The following CEP250 variants were observed in gnomAD, a reference collection of about 807,000 sequenced individuals.
CEP250 encodes the protein centrosomal protein 250.
CEP250 carries 242 observed loss-of-function variants against 315.7 expected under a neutral mutation model. The observed-to-expected ratio is 0.77, with a 90% CI of 0.69 to 0.85. The LOEUF (loss-of-function observed/expected upper bound fraction) is 0.85, where lower values mean the gene tolerates loss of function less well. Among genes scored for constraint, CEP250 ranks in the 40% least tolerant of loss-of-function variants. The probability of loss-of-function intolerance (pLI) is 0.00; values close to 1 mark genes in which losing one functional copy is unlikely to be tolerated. For missense variants in CEP250, 2,515 were observed against 2,886.4 expected (o/e 0.87, Z 2.95); for synonymous variants, 1,088 against 1,175.0 (o/e 0.93, Z 1.51).
chr20:35,494,733 C>T, intron 24 of CEP250, 76 bp downstream of exon 24: 2 of 1,541,582 alleles, frequency 1.3e-6, no homozygotes, highest in South Asian at 1.2e-5. Flanking sequence ...CAGTTGTTTG[C>T]TCAGGCCACC....
At chr20:35,509,113 C>A in intron 33 of CEP250, 69 bp downstream of exon 33, 1 of 1,279,696 alleles carries the variant, frequency 7.8e-7, no homozygotes, top group Non-Finnish European at 1.1e-6. Flanking sequence ...CAGCCCTCCT[C>A]ATTGCATATC....
Position 35,465,832 on chromosome 20 carries a change from G to C in CEP250, c.326+7G>C. 6.2e-7 allele frequency: 1 copy of C among 1,602,692 alleles called. No individual in the cohort carries two copies. ...TGGAGGAGGAGCAACAGAGGTGATG[G>C]ACCCCAAACTTTCTGACCTGGGTGA... On this transcript the variant is annotated splice_region_variant and intron_variant, in intron 6 of 34. Coordinates refer to ENST00000397527, the MANE Select transcript of CEP250 (RefSeq NM_007186.6).
chr20:35,503,997 A>C lies in CEP250; in HGVS notation c.5628A>C (p.Ala1876=). Residue 1876 remains alanine, a synonymous_variant, in exon 30 of 35, where the codon GCA becomes GCC. Coordinates refer to ENST00000397527, the MANE Select transcript of CEP250 (RefSeq NM_007186.6). The surrounding 1 kb of genome is among the most constrained non-coding windows in gnomAD (Gnocchi z 4.2). ...EQARRLEEEL[A]VEGRRVQALE... ...CACGAAGGCTGGAGGAAGAGCTGGC[A>C]GTGGAGGGACGGCGGGTCCAGGCCC... 6.2e-7 allele frequency: 1 copy of C among 1,609,888 alleles called. No homozygotes were observed. The highest frequency in any genetic ancestry group is 8.5e-7 in the Non-Finnish European group (1 of 1,177,460).
rs60917671 is a variant in CEP250 at position 35,457,243 on chromosome 20, C to T, written c.-297-1061C>T. On this transcript the variant is annotated intron_variant, in intron 1 of 34. Transcript: ENST00000397527. ...AGGTAGGAGCTGGGAATACAGCATTCGATAAAACAATGCTTTTGCACTTGT... is the reference window on the plus strand; with the variant it reads ...AGGTAGGAGCTGGGAATACAGCATTTGATAAAACAATGCTTTTGCACTTGT... Among the ~76,000 whole-genome samples the T allele has an allele frequency of 2.5e-3, 387 of 152,056 alleles. 8 individuals carry two copies. The East Asian group carries it at 0.071, about 28-fold the overall frequency.
intron 20 of CEP250, among the ~76,000 whole-genome samples, chr20:35,485,689 T>C (rs2063491944): frequency 7.7e-6 from 1 of 129,846 alleles, no homozygotes; most frequent in Admixed American, 8.5e-5. Flanking sequence ...GACAGGGTCT[T>C]GCTCTGTCAC....
chr20:35,510,128 G>C, intron 34 of CEP250, 74 bp downstream of exon 34: 1 of 1,398,508 alleles, frequency 7.2e-7, no homozygotes, highest in Non-Finnish European at 1.0e-6. Flanking sequence ...AGCAGGGAGA[G>C]GGGAAGTTCC....
At chr20:35,471,492 T>G (rs2063023472) in intron 10 of CEP250, among the ~76,000 whole-genome samples, 1 of 152,206 alleles carries the variant, frequency 6.6e-6, no homozygotes, top group Non-Finnish European at 1.5e-5. Flanking sequence ...AAAACATAGT[T>G]GCAAGTCTGT....
rs767021030 is a variant in CEP250, at chr20:35,479,432, C to A, written c.2288+8C>A. ...ACAACTACAGGGGCTCAGGTAGGGC[C>A]CAGACTCAGTTCAGCCAAGCACAGA... On this transcript the variant is annotated splice_region_variant and intron_variant, in intron 18 of 34. Coordinates refer to ENST00000397527, the MANE Select transcript of CEP250 (RefSeq NM_007186.6). 6 of 1,609,656 alleles carry A rather than the reference C, an allele frequency of 3.7e-6. No homozygotes were observed. Among genetic ancestry groups the A allele is most frequent in the East Asian group, 2.2e-5 (1 of 44,862 alleles).
At chr20:35,493,252 G>C (rs2063746716) in intron 22 of CEP250, among the ~76,000 whole-genome samples, 177 bp from the exon 23 acceptor site, 1 of 151,994 alleles carries the variant, frequency 6.6e-6, no homozygotes, top group African/African-American at 2.4e-5. Context: ...CTCTGACCAA[G>C]AAACCTGGGT....
chr20:35,458,851 A>C (rs2062689373), intron 2 of CEP250, among the ~76,000 whole-genome samples: 1 of 152,082 alleles, frequency 6.6e-6, no homozygotes. Flanking sequence ...CATTTTTTAA[A>C]ACTATTTTTT....
intron 7 of CEP250, 53 bp downstream of exon 7, chr20:35,466,257 C>A: frequency 6.5e-7 from 1 of 1,534,132 alleles, no homozygotes; most frequent in Non-Finnish European, 8.8e-7. Flanking sequence ...ATTCTGGATG[C>A]TGCCCTGGTC....
chr20:35,468,752 C>T (rs1448059179), intron 9 of CEP250, among the ~76,000 whole-genome samples: 2 of 152,116 alleles, frequency 1.3e-5, no homozygotes, highest in South Asian at 2.1e-4. Flanking sequence ...CACAGCTCAC[C>T]GCAGCCTTAA....
intron 20 of CEP250, 34 bp from the exon 21 acceptor site, chr20:35,490,603 T>C: frequency 1.3e-6 from 2 of 1,584,528 alleles, no homozygotes; most frequent in Non-Finnish European, 1.7e-6. Flanking sequence ...TCCTCACCCA[T>C]TTGGTTCTAA....
Position 35,511,597 on chromosome 20 carries a change from C to G in CEP250, c.7300C>G (p.Pro2434Ala). The G allele has an allele frequency of 6.2e-7, 1 of 1,612,558 alleles. No homozygotes were observed. The highest frequency in any genetic ancestry group is 1.1e-5 in the South Asian group (1 of 90,982). The change falls in exon 35 of 35, where the codon CCC becomes GCC. Residue 2434 changes from proline (P) to alanine (A), a missense_variant. Pro to Ala is a conservative substitution (Grantham distance 27). Coordinates refer to ENST00000397527, the MANE Select transcript of CEP250 (RefSeq NM_007186.6). ...AGGGCCAGTCCTGCTACACCCCAGC[C>G]CCAGCACTACCCAAGCCGCCTCCAG... ...SPGPVLLHPS[P>A]STTQAASR
chr20:35,479,944 G>GC lies in CEP250; in HGVS notation c.2417-31dup. The stretch of plus-strand genomic sequence containing the variant: ...GAATTTTATTAGGTAAAAGGAGGGG[G>GC]CGGAGGCCTGATCCTGTCCCTGGCA... On this transcript the variant is annotated intron_variant, in intron 19 of 34. Coordinates refer to ENST00000397527, the MANE Select transcript of CEP250 (RefSeq NM_007186.6). The GC allele has an allele frequency of 4.3e-6, 7 of 1,609,644 alleles. 1 individual carries two copies. The highest frequency in any genetic ancestry group is 5.9e-6 in the Non-Finnish European group (7 of 1,176,994).
intron 32 of CEP250, 51 bp downstream of exon 32, chr20:35,508,241 C>A (rs1463463509): frequency 5.6e-6 from 9 of 1,594,054 alleles, no homozygotes; most frequent in South Asian, 1.1e-5. Flanking sequence ...CTCGTGTGGT[C>A]CCTAGAGCAT....
At chr20:35,463,897 C>T (rs1214840269) in intron 5 of CEP250, among the ~76,000 whole-genome samples, 1 of 152,178 alleles carries the variant, frequency 6.6e-6, no homozygotes, top group African/African-American at 2.4e-5. Flanking sequence ...ATGTTTCCTC[C>T]AGCAGGTGTC....
chr20:35,466,684 A>C (rs544265906), intron 7 of CEP250, among the ~76,000 whole-genome samples: 8 of 152,202 alleles, frequency 5.3e-5, no homozygotes, highest in African/African-American at 1.9e-4. Flanking sequence ...CTCCTTAGAA[A>C]AGTCTGTGGT....
intron 12 of CEP250, 86 bp from the exon 13 acceptor site, chr20:35,473,288 C>A (rs2063071054): frequency 8.2e-7 from 1 of 1,221,614 alleles, no homozygotes; most frequent in Non-Finnish European, 1.2e-6. Context: ...AGCCCCCGAC[C>A]CCCTTCTCCA....
Sources: gnomAD v4.1 joint callset for allele counts (sites outside exome capture counted in the v4.1 genomes callset) on GRCh38, gnomAD v4.1.1 for gene constraint, Gnocchi (gnomAD v3.1) non-coding constraint, MANE v1.5 for transcripts, NCBI Gene and HGNC (gene_info 2026-07-23, HGNC 2026-07-21) for gene names.